CEP15: variants seen among roughly 807,000 people sequenced by gnomAD.
The protein encoded by CEP15 is centrosomal protein 15.
the CEP15 span, among the ~76,000 whole-genome samples, chr3:62,330,254 C>G: frequency 6.6e-6 from 1 of 152,160 alleles, no homozygotes; most frequent in Non-Finnish European, 1.5e-5. Context: ...ACGCCCTTTT[C>G]CATCTCTCTC....
At chr3:62,322,076 T>C in the CEP15 span, 3 of 1,596,054 alleles carry the variant, frequency 1.9e-6, no homozygotes, top group South Asian at 1.2e-5. The surrounding 1 kb of genome is among the most constrained non-coding windows in gnomAD (Gnocchi z 5.5). Context: ...GACTTGAATA[T>C]AGAGATTTAT....
chr3:62,321,939 A>G, the CEP15 span: 1 of 1,593,954 alleles, frequency 6.3e-7, no homozygotes, highest in Non-Finnish European at 8.5e-7. This position sits in a 1 kb window ranked among gnomAD's most constrained non-coding sequence, Gnocchi z 4.1. Flanking sequence ...GAGTATCACA[A>G]AGATTAATGT....
chr3:62,336,159 A>T, the CEP15 span: 1 of 152,130 alleles, frequency 6.6e-6, no homozygotes, highest in East Asian at 1.9e-4. The surrounding 1 kb of genome is among the most constrained non-coding windows in gnomAD (Gnocchi z 4.4). Context: ...TAAAAAATAA[A>T]GTGAATATGT....
chr3:62,335,213 C>A, the CEP15 span: 1 of 152,012 alleles, frequency 6.6e-6, no homozygotes, highest in East Asian at 1.9e-4. Context: ...AGAAAAGGTT[C>A]AGGTTTTTTT....
the CEP15 span, chr3:62,322,195 C>A: frequency 2.3e-6 from 2 of 858,112 alleles, no homozygotes; most frequent in East Asian, 5.5e-5. This position sits in a 1 kb window ranked among gnomAD's most constrained non-coding sequence, Gnocchi z 5.5. Context: ...TTTAAAAGCC[C>A]ATGTCAGTTA....
At chr3:62,328,036 T>C in the CEP15 span, among the ~76,000 whole-genome samples, 2 of 152,286 alleles carry the variant, frequency 1.3e-5, no homozygotes, top group Non-Finnish European at 2.9e-5. Context: ...ATTGTGTGCC[T>C]TTGCTGCCCA....
the CEP15 span, among the ~76,000 whole-genome samples, chr3:62,320,055 G>C: frequency 6.6e-6 from 1 of 152,244 alleles, no homozygotes; most frequent in African/African-American, 2.4e-5. Context: ...TCTCATACTT[G>C]TTTGCCTGCC....
chr3:62,325,882 G>T, the CEP15 span, among the ~76,000 whole-genome samples: 1 of 152,156 alleles, frequency 6.6e-6, no homozygotes, highest in African/African-American at 2.4e-5. Flanking sequence ...AAATTAGCAG[G>T]GTGTGGTGGT....
At chr3:62,330,563 G>C in the CEP15 span, among the ~76,000 whole-genome samples, 2 of 152,128 alleles carry the variant, frequency 1.3e-5, no homozygotes, top group Non-Finnish European at 2.9e-5. Flanking sequence ...TATGAATGAA[G>C]TTTAGTTACC....
chr3:62,324,662 G>A, the CEP15 span, among the ~76,000 whole-genome samples: 2 of 152,050 alleles, frequency 1.3e-5, no homozygotes, highest in Admixed American at 6.5e-5. Flanking sequence ...TTAAAGATGA[G>A]GAAACCATAG....
the CEP15 span, among the ~76,000 whole-genome samples, chr3:62,329,642 C>A: frequency 9.2e-5 from 14 of 152,158 alleles, no homozygotes; most frequent in Non-Finnish European, 1.3e-4. Flanking sequence ...AACCATAGGC[C>A]TGCTTTACCA....
At chr3:62,319,390 C>A in the CEP15 span, 1 of 152,176 alleles carries the variant, frequency 6.6e-6, no homozygotes, top group African/African-American at 2.4e-5. Context: ...AGGAAGGCGG[C>A]AAGACTTGGC....
chr3:62,335,142 G>A, the CEP15 span: 4 of 152,062 alleles, frequency 2.6e-5, no homozygotes, highest in Admixed American at 6.6e-5. Flanking sequence ...TTTGAGATCT[G>A]TAAATTAAAT....
the CEP15 span, among the ~76,000 whole-genome samples, chr3:62,327,505 G>C: frequency 3.4e-5 from 3 of 87,484 alleles, no homozygotes; most frequent in East Asian, 7.1e-4. Flanking sequence ...TCTAGAGGCT[G>C]GATCAGATTC....
At chr3:62,323,450 G>T in the CEP15 span, among the ~76,000 whole-genome samples, 1 of 152,146 alleles carries the variant, frequency 6.6e-6, no homozygotes, top group Non-Finnish European at 1.5e-5. Flanking sequence ...TCCTGGGAGC[G>T]TGACTAACTA....
At chr3:62,320,622 G>C in the CEP15 span, 1 of 857,736 alleles carries the variant, frequency 1.2e-6, no homozygotes, top group South Asian at 1.7e-5. Context: ...TTGCAAGCAT[G>C]TCATTTTAAT....
the CEP15 span, among the ~76,000 whole-genome samples, chr3:62,326,880 G>A: frequency 1.3e-5 from 2 of 151,998 alleles, no homozygotes; most frequent in African/African-American, 4.8e-5. Context: ...TAAATTATAA[G>A]GACTATTTTA....
the CEP15 span, chr3:62,320,652 T>G: frequency 1.6e-6 from 1 of 633,100 alleles, no homozygotes; most frequent in East Asian, 2.8e-5. Context: ...CTTAAGAGGT[T>G]TTAGTGTTAG....
the CEP15 span, among the ~76,000 whole-genome samples, chr3:62,320,799 T>C: frequency 1.3e-5 from 2 of 152,316 alleles, no homozygotes; most frequent in South Asian, 4.1e-4. Flanking sequence ...TTAATGGGCT[T>C]CTCTAAACCT....
Sources: gnomAD v4.1 joint callset for allele counts (sites outside exome capture counted in the v4.1 genomes callset) on GRCh38, gnomAD v4.1.1 for gene constraint, Gnocchi (gnomAD v3.1) non-coding constraint, MANE v1.5 for transcripts, NCBI Gene and HGNC (gene_info 2026-07-23, HGNC 2026-07-21) for gene names.